The following KIAA0930 variants were observed in gnomAD, a reference collection of about 807,000 sequenced individuals.
The protein encoded by KIAA0930 is KIAA0930.
A neutral mutation model predicts 43.9 loss-of-function variants in KIAA0930; 24 were observed. That is an observed-to-expected ratio of 0.55 (90% CI 0.40 to 0.77). The LOEUF (loss-of-function observed/expected upper bound fraction) is 0.77. KIAA0930 is among the 30% of genes least tolerant of loss of function. The pLI is 0.00. For missense variants in KIAA0930, 461 were observed against 574.2 expected, an observed-to-expected ratio of 0.80 and a Z score of 2.02; for synonymous variants, 259 against 216.4, an observed-to-expected ratio of 1.20 and a Z score of -1.73.
At chr22:45,209,401 G>A (rs2083672351) in intron 2 of KIAA0930, among the ~76,000 whole-genome samples, 1 of 152,132 alleles carries the variant, frequency 6.6e-6, no homozygotes, top group Admixed American at 6.5e-5. Context: ...CCGACAAGCT[G>A]GGAAAAATGC....
At chr22:45,200,087 G>A (rs1336712526) in intron 7 of KIAA0930, 52 bp from the exon 8 acceptor site, 2 of 1,523,630 alleles carry the variant, frequency 1.3e-6, no homozygotes, top group Non-Finnish European at 1.8e-6. Flanking sequence ...CCCCTCCCCG[G>A]GGGTCCCAAC....
intron 2 of KIAA0930, among the ~76,000 whole-genome samples, chr22:45,208,842 G>C (rs755036805): frequency 6.6e-6 from 1 of 152,202 alleles, no homozygotes; most frequent in African/African-American, 2.4e-5. Context: ...TCTGAGCTTT[G>C]GTTTTCTGAG....
chr22:45,228,700 CCAA>C (rs2083819256), intron 1 of KIAA0930, among the ~76,000 whole-genome samples: 2 of 146,156 alleles, frequency 1.4e-5, no homozygotes, highest in East Asian at 2.1e-4. Flanking sequence ...CTCCACCCCC[CCAA>C]CCACCAAACA....
At chr22:45,219,693 G>A (rs1011672535) in intron 1 of KIAA0930, among the ~76,000 whole-genome samples, 1 of 143,482 alleles carries the variant, frequency 7.0e-6, no homozygotes, top group Non-Finnish European at 1.5e-5. Flanking sequence ...CTGGGCTCAA[G>A]CCATCCTCCT....
chr22:45,240,777 G>C lies in KIAA0930; in HGVS notation c.-74C>G. 5.8e-6 allele frequency: 1 copy of C among 172,746 alleles called. No individual in the cohort carries two copies. The highest frequency in any genetic ancestry group is 6.3e-6 in the Non-Finnish European group (1 of 157,528). 10.7% of individuals were successfully genotyped at this position (172,746 alleles called of 1,614,324 possible). A position where few individuals can be genotyped will look rare whatever the true frequency, so the allele number is the denominator to read the frequency against. On this transcript the variant is annotated 5_prime_UTR_variant, in exon 1 of 10. Transcript: ENST00000336156. ...GGCGGCGGCGGCGGGGAGGGCGGGCGGCCCGGCCCGCAGCCCGCCGCGAGC... is the reference window on the plus strand; with the variant it reads ...GGCGGCGGCGGCGGGGAGGGCGGGCCGCCCGGCCCGCAGCCCGCCGCGAGC...
At chr22:45,212,659 C>T (rs1264201402) in intron 1 of KIAA0930, among the ~76,000 whole-genome samples, 4 of 152,284 alleles carry the variant, frequency 2.6e-5, no homozygotes, top group South Asian at 2.1e-4. Flanking sequence ...CCCACGTCTG[C>T]GCAGCTTCGT....
At position 45,192,322 on chromosome 22, in the gene KIAA0930, G is replaced by A. The variant is rs1358597711; in HGVS notation, c.*4854C>T. ...ATGAAATCATAAAGCAAAGCTAACA[G>A]CCAACCAACAAATACCGCCTAGCAA... On this transcript the variant is annotated 3_prime_UTR_variant, in exon 10 of 10. Transcript: ENST00000336156. The A allele has an allele frequency of 6.6e-6, 1 of 152,144 alleles. No homozygotes were observed. The highest frequency in any genetic ancestry group is 1.5e-5 in the Non-Finnish European group (1 of 68,034). 9.4% of individuals were successfully genotyped at this position (152,144 alleles called of 1,614,324 possible).
In KIAA0930 at chr22:45,197,815, C is replaced by G; in HGVS notation, c.1149G>C (p.Thr383=). 6.2e-7 allele frequency: 1 copy of G among 1,614,198 alleles called. No individual in the cohort carries two copies. The highest frequency in any genetic ancestry group is 8.5e-7 in the Non-Finnish European group (1 of 1,180,034). Residue 383 remains threonine (T), a synonymous_variant, in exon 9 of 10, where the codon ACG becomes ACC. Transcript: ENST00000336156. The part of the protein sequence containing the change: ...FLLYAHLTYV[T]LPLHRILTDI... ...CTGTTAAAATCCGATGCAGCGGCAA[C>G]GTGACGTAGGTTAAGTGTGCATAGA...
At chr22:45,205,170 C>T (rs2083625081) in intron 5 of KIAA0930, 47 bp downstream of exon 5, 1 of 1,489,332 alleles carries the variant, frequency 6.7e-7, no homozygotes, top group Non-Finnish European at 9.4e-7. Flanking sequence ...TAACACCCAT[C>T]TCACGAGAAG....
chr22:45,213,411 C>T (rs955522531), intron 1 of KIAA0930: 133 of 1,299,230 alleles, frequency 1.0e-4, no homozygotes, highest in South Asian at 2.9e-4. Flanking sequence ...TCTGGGTCAG[C>T]GAGCCTTGTC....
At chr22:45,215,422 C>T (rs932484436) in intron 1 of KIAA0930, among the ~76,000 whole-genome samples, 1 of 152,200 alleles carries the variant, frequency 6.6e-6, no homozygotes, top group East Asian at 1.9e-4. Flanking sequence ...TCCTATGCAT[C>T]TACCTGACGG....
intron 1 of KIAA0930, among the ~76,000 whole-genome samples, chr22:45,225,973 C>A (rs1006795852): frequency 6.6e-6 from 1 of 152,268 alleles, no homozygotes. Flanking sequence ...TGGCTCCACA[C>A]TGCAGGCTTG....
chr22:45,219,443 C>T (rs1477430127), intron 1 of KIAA0930, among the ~76,000 whole-genome samples: 1 of 152,084 alleles, frequency 6.6e-6, no homozygotes. Context: ...ACCATTAAAC[C>T]ACACAAGCAA....
In KIAA0930 at chr22:45,240,476, G is replaced by C. The variant is rs373291407; in HGVS notation, c.64+164C>G. On this transcript the variant is annotated intron_variant, in intron 1 of 9. Transcript: ENST00000336156. ...GACAGACCCAGATGCAGGGACGGTG[G>C]GGGGGGGGCCATGGAGGAAGACAGG... Among the ~76,000 whole-genome samples, 14 of 149,222 alleles carry C rather than the reference G, an allele frequency of 9.4e-5. No individual in the cohort carries two copies. In the East Asian group the frequency reaches 2.2e-3, roughly 24 times the overall value.
intron 1 of KIAA0930, among the ~76,000 whole-genome samples, chr22:45,216,463 C>T (rs2083733313): frequency 6.6e-6 from 1 of 151,916 alleles, no homozygotes; most frequent in South Asian, 2.2e-4. Context: ...CCGAGCACGG[C>T]AGTGTGGCCT....
chr22:45,240,350 A>G (rs895736013), intron 1 of KIAA0930, among the ~76,000 whole-genome samples: 2 of 152,168 alleles, frequency 1.3e-5, no homozygotes, highest in East Asian at 1.9e-4. Context: ...CACGAAGAAG[A>G]AGGAGGAAGA....
intron 6 of KIAA0930, 139 bp from the exon 7 acceptor site, chr22:45,203,323 C>T (rs1292332979): frequency 1.5e-5 from 13 of 846,004 alleles, no homozygotes; most frequent in Non-Finnish European, 2.2e-5. Context: ...AGCTGGCAGG[C>T]GGGGCAGCTG....
chr22:45,240,179 TG>T (rs1467847393), intron 1 of KIAA0930, among the ~76,000 whole-genome samples: 3 of 152,134 alleles, frequency 2.0e-5, no homozygotes, highest in Non-Finnish European at 4.4e-5. Context: ...CAGGAGACAG[TG>T]GCCAGGGCAC....
rs544815141 is a variant in KIAA0930, at chr22:45,215,944, C to T, written c.65-3837G>A. ...TCGGGAGGCTGAGGCAGGAGAATGG[C>T]GTGAACCCGGGAGGCGGAGCCTGCA... On this transcript the variant is annotated intron_variant, in intron 1 of 9. Transcript: ENST00000336156. 4.6e-5 allele frequency among the ~76,000 whole-genome samples: 7 copies of T among 152,024 alleles called. No homozygotes were observed. The East Asian group carries it at 9.7e-4, about 21-fold the overall frequency.
Sources: allele counts gnomAD v4.1 joint callset (sites outside exome capture counted in the v4.1 genomes callset), GRCh38; gene constraint gnomAD v4.1.1; transcripts MANE v1.5; gene names NCBI Gene and HGNC (gene_info 2026-07-23, HGNC 2026-07-21).